The following CELF2 variants were observed in gnomAD, a reference collection of about 807,000 sequenced individuals.
CELF2 encodes the protein CUGBP Elav-like family member 2.
Under a neutral mutation model 62.6 loss-of-function variants are expected in CELF2, and 8 were observed. The ratio of observed to expected loss-of-function variants is 0.13; its 90% CI spans 0.07 to 0.23. The LOEUF is 0.23. Ranked by LOEUF, CELF2 falls within the 10% of genes least tolerant of loss-of-function variation. CELF2 has a pLI of 1.00. For synonymous variants in CELF2, 258 were observed against 250.0 expected (o/e 1.03, Z -0.30); for missense variants, 333 against 671.0 (o/e 0.50, Z 5.56).
intron 1 of CELF2, among the ~76,000 whole-genome samples, chr10:11,041,661 A>G (rs1163781831): frequency 1.3e-5 from 2 of 152,164 alleles, no homozygotes; most frequent in African/African-American, 4.8e-5. Context: ...AACTTTTCTC[A>G]TTGTGTTTTC....
At chr10:10,801,099 G>T (rs1168462946) in intron 1 of CELF2, among the ~76,000 whole-genome samples, 7 of 151,638 alleles carry the variant, frequency 4.6e-5, no homozygotes, top group African/African-American at 1.7e-4. Flanking sequence ...TGAGAATGTT[G>T]TTTTTCCCCT....
chr10:11,101,299 A>G (rs1044504455), intron 1 of CELF2, among the ~76,000 whole-genome samples: 1 of 152,212 alleles, frequency 6.6e-6, no homozygotes, highest in Non-Finnish European at 1.5e-5. Flanking sequence ...TACCAAATAG[A>G]AAATAGGATG....
chr10:11,331,602 T>A lies in CELF2; in HGVS notation c.*2549T>A, dbSNP rs1177169839. 2.6e-5 allele frequency: 4 copies of A among 152,146 alleles called. No individual in the cohort carries two copies. Among genetic ancestry groups the A allele is most frequent in the Middle Eastern group, 3.5e-3 (1 of 288 alleles). The allele number at this position is 152,146 out of a possible 1,614,324, so 9.4% of individuals were successfully genotyped here. A position where few individuals can be genotyped will look rare whatever the true frequency, so the allele number is the denominator to read the frequency against. ...ATGTGTTTTGTATAAATCCCTAATATTTAAAAAAAAAAACAAAACAAAAAA... is the reference window on the plus strand; with the variant it reads ...ATGTGTTTTGTATAAATCCCTAATAATTAAAAAAAAAAACAAAACAAAAAA... On this transcript the variant is annotated 3_prime_UTR_variant, in exon 13 of 13. Transcript: ENST00000633077.
the CELF2 span, among the ~76,000 whole-genome samples, chr10:10,495,512 G>T: frequency 6.6e-6 from 1 of 152,148 alleles, no homozygotes; most frequent in Non-Finnish European, 1.5e-5. Context: ...AGGACCTCAA[G>T]GGTGCCTTAA....
intron 1 of CELF2, among the ~76,000 whole-genome samples, chr10:11,121,550 G>A (rs1319635028): frequency 6.6e-6 from 1 of 152,154 alleles, no homozygotes; most frequent in Non-Finnish European, 1.5e-5. Context: ...TGGGGATACA[G>A]TGATGAACAG....
chr10:11,026,542 T>G (rs1390736982), intron 1 of CELF2, among the ~76,000 whole-genome samples: 1 of 152,202 alleles, frequency 6.6e-6, no homozygotes, highest in African/African-American at 2.4e-5. Context: ...GTTAGAGGAC[T>G]AATGTGGATT....
intron 1 of CELF2, among the ~76,000 whole-genome samples, chr10:10,834,340 A>C (rs9633776): frequency 1.3e-5 from 2 of 151,970 alleles, no homozygotes; most frequent in Admixed American, 1.3e-4. Flanking sequence ...GGAGAGGCTC[A>C]GGAAAAATAA....
At position 10,934,356 on chromosome 10, in the gene CELF2, C is replaced by A. The variant is rs1206443995; in HGVS notation, c.89+14357C>A. ...GTGCTCACCTTTCTATCCTCAACAC[C>A]TAGCATAGTGCCTCCAGCACACAAC... On this transcript the variant is annotated intron_variant, in intron 2 of 13. Transcript: ENST00000636488. The surrounding 1 kb of genome is among the most constrained non-coding windows in gnomAD (Gnocchi z 4.4). Among the ~76,000 whole-genome samples, 2 of 152,178 alleles carry A rather than the reference C, an allele frequency of 1.3e-5. No individual in the cohort carries two copies. The highest frequency in any genetic ancestry group is 4.8e-5 in the African/African-American group (2 of 41,442).
At chr10:10,564,956 C>G in the CELF2 span, among the ~76,000 whole-genome samples, 5 of 152,308 alleles carry the variant, frequency 3.3e-5, no homozygotes, top group African/African-American at 1.2e-4. Flanking sequence ...ATTATGACTC[C>G]ATGAGATCAG....
intron 1 of CELF2, among the ~76,000 whole-genome samples, chr10:10,811,225 T>A (rs1482689921): frequency 1.3e-5 from 2 of 152,202 alleles, no homozygotes; most frequent in African/African-American, 4.8e-5. Context: ...GTTTTCTTTG[T>A]TTATAAATTA....
At chr10:10,773,542 A>G in the CELF2 span, among the ~76,000 whole-genome samples, 1 of 152,238 alleles carries the variant, frequency 6.6e-6, no homozygotes, top group Non-Finnish European at 1.5e-5. Context: ...GGAAAAAAAT[A>G]TAAGACTGAC....
At chr10:11,071,411 GC>G (rs1594602983) in intron 1 of CELF2, 1 of 152,328 alleles carries the variant, frequency 6.6e-6, no homozygotes, top group East Asian at 1.9e-4. Flanking sequence ...CTACTTCCCT[GC>G]CAGAGTCGAA....
the CELF2 span, among the ~76,000 whole-genome samples, chr10:10,513,522 G>C: frequency 6.6e-6 from 1 of 152,006 alleles, no homozygotes; most frequent in Non-Finnish European, 1.5e-5. Flanking sequence ...CTGGGGAAGA[G>C]AAAAAATGAC....
chr10:10,981,883 A>C (rs1490053555), intron 2 of CELF2, among the ~76,000 whole-genome samples: 1 of 151,962 alleles, frequency 6.6e-6, no homozygotes, highest in Non-Finnish European at 1.5e-5. Context: ...ATATAAAGCC[A>C]GGTCTGTCCA....
the CELF2 span, among the ~76,000 whole-genome samples, chr10:10,705,943 A>C: frequency 6.6e-6 from 1 of 152,218 alleles, no homozygotes; most frequent in Admixed American, 6.5e-5. Context: ...GATGTCCTTC[A>C]TGGTCAGGCC....
the CELF2 span, among the ~76,000 whole-genome samples, chr10:10,624,069 T>C: frequency 6.6e-6 from 1 of 152,170 alleles, no homozygotes; most frequent in Non-Finnish European, 1.5e-5. Context: ...TTTTGAAAAA[T>C]TTATCTCTGT....
At chr10:11,113,018 A>AT (rs1224391034) in intron 1 of CELF2, among the ~76,000 whole-genome samples, 3 of 152,206 alleles carry the variant, frequency 2.0e-5, no homozygotes, top group Non-Finnish European at 4.4e-5. Context: ...AACGCAATGC[A>AT]TTTCCACACG....
intron 1 of CELF2, among the ~76,000 whole-genome samples, chr10:11,056,972 G>A (rs1339704847): frequency 6.6e-6 from 1 of 152,198 alleles, no homozygotes; most frequent in Admixed American, 6.5e-5. Flanking sequence ...GGGGAGGGGT[G>A]AGTAAGAACC....
In CELF2 at chr10:11,332,750, A is replaced by T. The variant is rs1435065819; in HGVS notation, c.*3697A>T. The T allele has an allele frequency of 6.6e-6, 1 of 152,376 alleles. No individual in the cohort carries two copies. The highest frequency in any genetic ancestry group is 1.5e-5 in the Non-Finnish European group (1 of 68,092). The allele number at this position is 152,376 out of a possible 1,614,324, so 9.4% of individuals were successfully genotyped here. A position where few individuals can be genotyped will look rare whatever the true frequency, so the allele number is the denominator to read the frequency against. ...GACTAGCCTCTACTGATGCAAAAAAACAAAAAGCAACACAAACGTTTCCTT... is the reference window on the plus strand; with the variant it reads ...GACTAGCCTCTACTGATGCAAAAAATCAAAAAGCAACACAAACGTTTCCTT... On this transcript the variant is annotated 3_prime_UTR_variant, in exon 13 of 13. Transcript: ENST00000633077.
Sources: allele counts gnomAD v4.1 joint callset (sites outside exome capture counted in the v4.1 genomes callset), GRCh38; gene constraint gnomAD v4.1.1; non-coding constraint Gnocchi (gnomAD v3.1); transcripts MANE v1.5; gene names NCBI Gene and HGNC (gene_info 2026-07-23, HGNC 2026-07-21).